STARD8: variants seen among roughly 807,000 people sequenced by gnomAD.
STARD8 encodes StAR related lipid transfer domain containing 8, also known as stAR-related lipid transfer protein 8.
STARD8 carries 25 observed loss-of-function variants against 69.4 expected under a neutral mutation model. The observed-to-expected ratio is 0.36, with a 90% CI of 0.26 to 0.50. The LOEUF (loss-of-function observed/expected upper bound fraction) is 0.50, where lower values mean the gene tolerates loss of function less well. STARD8 is among the 20% of genes least tolerant of loss of function. STARD8 has a pLI of 0.96. For synonymous variants in STARD8, 389 were observed against 374.6 expected (o/e 1.04, Z -0.45); for missense variants, 921 against 932.5 (o/e 0.99, Z 0.16).
At chrX:68,723,892 T>C (rs775122193) in intron 13 of STARD8, 49 bp downstream of exon 13, 7 of 1,206,380 alleles carry the variant, frequency 5.8e-6, no homozygotes, top group Non-Finnish European at 7.8e-6. Flanking sequence ...GCCGGAGAAG[T>C]GGGGTGGAAA....
intron 2 of STARD8, among the ~76,000 whole-genome samples, chrX:68,712,692 C>T (rs1052572730): frequency 3.6e-5 from 4 of 111,760 alleles, no homozygotes; most frequent in African/African-American, 1.3e-4. Flanking sequence ...AAAGCCAGGG[C>T]CAGGATGCCC....
intron 1 of STARD8, among the ~76,000 whole-genome samples, chrX:68,654,634 T>G (rs897134498): frequency 1.8e-5 from 2 of 111,903 alleles, no homozygotes; most frequent in Admixed American, 9.4e-5. Context: ...CATCCAAGTA[T>G]GCATGAGACT....
intron 2 of STARD8, among the ~76,000 whole-genome samples, chrX:68,708,838 A>T (rs774534706): frequency 1.4e-3 from 153 of 112,055 alleles, no homozygotes; most frequent in African/African-American, 4.8e-3. Flanking sequence ...GGGGCCACAG[A>T]CATTCCTACC....
intron 2 of STARD8, among the ~76,000 whole-genome samples, chrX:68,677,874 G>A (rs1315679117): frequency 2.2e-5 from 2 of 90,783 alleles, no homozygotes; most frequent in South Asian, 5.6e-4. Flanking sequence ...TATATAGAGA[G>A]AGAGGAAGTA....
rs764468065 is a variant in STARD8 at position 68,720,302 on chromosome X, A to T, written c.1928A>T (p.Asp643Val). 22 of 1,205,471 alleles carry T rather than the reference A, an allele frequency of 1.8e-5. No individual in the cohort carries two copies. The African/African-American group carries it at 3.6e-4, about 20-fold the overall frequency. The change falls in exon 8 of 15, where the codon GAT (aspartate) becomes GTT (valine). Residue 643 changes from aspartate (D) to valine (V), a missense_variant. Coordinates refer to ENST00000374599, the MANE Select transcript of STARD8 (RefSeq NM_001142503.3). Reference protein sequence around the residue: ...PKFMRRNKTPDYRGQHVFGVP... With the variant: ...PKFMRRNKTPVYRGQHVFGVP... Reference sequence around the variant, plus strand: ...TTCATGAGGAGGAACAAGACCCCAGATTACCGGGGACAGCACGTATTTGGG... The same window carrying T: ...TTCATGAGGAGGAACAAGACCCCAGTTTACCGGGGACAGCACGTATTTGGG...
chrX:68,716,484 C>T, intron 5 of STARD8, 53 bp downstream of exon 5: 2 of 1,139,883 alleles, frequency 1.8e-6, no homozygotes, highest in South Asian at 3.7e-5. Flanking sequence ...TAAGGAAACC[C>T]AGGGCATACG....
chrX:68,697,512 G>C (rs1268684391), intron 2 of STARD8, among the ~76,000 whole-genome samples: 1 of 112,389 alleles, frequency 8.9e-6, no homozygotes, highest in East Asian at 2.8e-4. Flanking sequence ...AGGGCACCCA[G>C]GAGTTTGGGG....
chrX:68,651,504 C>T (rs1284452880), intron 1 of STARD8, among the ~76,000 whole-genome samples: 1 of 112,157 alleles, frequency 8.9e-6, no homozygotes, highest in Non-Finnish European at 1.9e-5. Context: ...TGAGCCAGGC[C>T]CCCTGAGTGC....
intron 2 of STARD8, among the ~76,000 whole-genome samples, chrX:68,685,701 C>A (rs960282497): frequency 8.9e-6 from 1 of 112,810 alleles, no homozygotes; most frequent in African/African-American, 3.2e-5. Context: ...ATGGCCAAGT[C>A]ATTTGCATTC....
intron 2 of STARD8, among the ~76,000 whole-genome samples, chrX:68,686,423 G>C (rs2079832839): frequency 8.9e-6 from 1 of 112,798 alleles, no homozygotes; most frequent in South Asian, 3.6e-4. Context: ...GCCTGGCACC[G>C]CGCGGCGCCC....
intron 2 of STARD8, among the ~76,000 whole-genome samples, chrX:68,700,477 G>T (rs1219381323): frequency 8.9e-6 from 1 of 112,617 alleles, no homozygotes; most frequent in Admixed American, 9.4e-5. Flanking sequence ...CCACCACAGA[G>T]GAACCCCTGC....
At chrX:68,717,009 A>C (rs1219065939) in intron 5 of STARD8, among the ~76,000 whole-genome samples, 1 of 111,496 alleles carries the variant, frequency 9.0e-6, no homozygotes, top group Non-Finnish European at 1.9e-5. Flanking sequence ...CATTACCATT[A>C]CCATACATCT....
chrX:68,697,196 A>G (rs1285443301), intron 2 of STARD8, among the ~76,000 whole-genome samples: 1 of 112,369 alleles, frequency 8.9e-6, no homozygotes, highest in East Asian at 2.8e-4. Context: ...TTATCAAATA[A>G]CCGGTAAGTG....
intron 1 of STARD8, among the ~76,000 whole-genome samples, chrX:68,653,333 CCACACACCACA>C (rs2079583306): frequency 8.8e-5 from 3 of 33,960 alleles, no homozygotes; most frequent in Non-Finnish European, 1.1e-4. Context: ...CACACACACC[CCACACACCACA>C]CACACCCCAC....
intron 2 of STARD8, among the ~76,000 whole-genome samples, chrX:68,665,925 C>T (rs1165701598): frequency 8.9e-6 from 1 of 111,817 alleles, no homozygotes; most frequent in Admixed American, 9.5e-5. Context: ...AGGAAGGAGA[C>T]TTGGAATTTG....
At position 68,717,407 on chromosome X, in the gene STARD8, C is replaced by T. The variant is rs1264947171; in HGVS notation, c.493C>T (p.Leu165=). 3.3e-6 allele frequency: 4 copies of T among 1,209,803 alleles called. No individual in the cohort carries two copies. The highest frequency in any genetic ancestry group is 3.5e-5 in the South Asian group (2 of 56,681). The part of the protein sequence containing the change: ...ATSLPVITVS[L]PPEPADLPLP... ...CTCTCTGCCAGTCATCACCGTGAGC[C>T]TACCACCCGAGCCAGCAGACTTGCC... The change falls in exon 6 of 15, where the codon CTA becomes TTA. Residue 165 remains leucine (L), a synonymous_variant. Transcript: ENST00000374599.
In STARD8 at chrX:68,715,168, C is replaced by T. The variant is rs2080081928; in HGVS notation, c.152-126C>T. 4 of 562,623 alleles carry T rather than the reference C, an allele frequency of 7.1e-6. No homozygotes were observed. The Admixed American group carries it at 1.1e-4, about 16-fold the overall frequency. The allele number at this position is 562,623 out of a possible 1,213,427, so 46.4% of individuals were successfully genotyped here. A position where few individuals can be genotyped will look rare whatever the true frequency, so the allele number is the denominator to read the frequency against. On this transcript the variant is annotated intron_variant, in intron 3 of 14. Coordinates refer to ENST00000374599, the MANE Select transcript of STARD8 (RefSeq NM_001142503.3). ...CCTCCTTTATTCCTGACTTTTTTTC[C>T]TTCTGCTTTGCCTCTTGTCTTCCTG... is the stretch of plus-strand genomic sequence containing the variant.
chrX:68,707,040 CATAG>C (rs1569367162), intron 2 of STARD8, among the ~76,000 whole-genome samples: 1 of 112,762 alleles, frequency 8.9e-6, no homozygotes, highest in Non-Finnish European at 1.9e-5. Flanking sequence ...GGGGTTGTCA[CATAG>C]ATAGTGGCAT....
At chrX:68,718,732 G>A (rs1569372627) in intron 6 of STARD8, 103 bp downstream of exon 6, 11 of 1,093,443 alleles carry the variant, frequency 1.0e-5, no homozygotes, top group South Asian at 2.4e-5. Flanking sequence ...AGTGCTTGGC[G>A]GCTGCGTTAT....
Sources: allele counts gnomAD v4.1 joint callset (sites outside exome capture counted in the v4.1 genomes callset), GRCh38; gene constraint gnomAD v4.1.1; transcripts MANE v1.5; gene names NCBI Gene and HGNC (gene_info 2026-07-23, HGNC 2026-07-21).